Variants in SEMA6A observed in about 807,000 individuals in gnomAD.
The protein encoded by SEMA6A is semaphorin-6A.
A neutral mutation model predicts 96.8 loss-of-function variants in SEMA6A; 25 were observed. That is an observed-to-expected ratio of 0.26 (90% CI 0.19 to 0.36). The LOEUF (loss-of-function observed/expected upper bound fraction) is 0.36. Ranked by LOEUF, SEMA6A falls within the 10% of genes least tolerant of loss-of-function variation. The pLI, the probability that SEMA6A is intolerant of heterozygous loss-of-function variation, is 1.00. For synonymous variants in SEMA6A, 612 were observed against 518.0 expected (o/e 1.18, Z -2.46); for missense variants, 1,363 against 1,323.1 (o/e 1.03, Z -0.47).
At chr5:116,557,862 TA>T (rs1760668521) in intron 1 of SEMA6A, among the ~76,000 whole-genome samples, 1 of 152,206 alleles carries the variant, frequency 6.6e-6, no homozygotes, top group South Asian at 2.1e-4. Flanking sequence ...TGAGATTCAG[TA>T]ACACTAGAGG....
chr5:116,563,806 G>A (rs188882133), intron 1 of SEMA6A, among the ~76,000 whole-genome samples: 6 of 152,258 alleles, frequency 3.9e-5, no homozygotes, highest in African/African-American at 9.6e-5. Flanking sequence ...TAGCCTATGC[G>A]AATACTGTAA....
At chr5:116,519,657 CTG>C (rs1334690478) in intron 1 of SEMA6A, among the ~76,000 whole-genome samples, 5 of 140,038 alleles carry the variant, frequency 3.6e-5, no homozygotes, top group Admixed American at 2.1e-4. Context: ...TATAACGATG[CTG>C]TGTGTACACA....
Position 116,502,105 on chromosome 5 carries a change from T to G in SEMA6A, c.218+105A>C. On this transcript the variant is annotated intron_variant, in intron 3 of 18. Coordinates refer to ENST00000343348, the MANE Select transcript of SEMA6A (RefSeq NM_020796.5). ...AAGGAGGCTTTAAGTTAAATAACAC[T>G]CTATTTAGAAACCTCAAGATCTTAA... 3 of 806,930 alleles carry G rather than the reference T, an allele frequency of 3.7e-6. No individual in the cohort carries two copies. The South Asian group carries it at 5.1e-5, about 14-fold the overall frequency. The allele number at this position is 806,930 out of a possible 1,614,324, so 50.0% of individuals were successfully genotyped here.
intron 1 of SEMA6A, among the ~76,000 whole-genome samples, chr5:116,572,030 G>T (rs1761236181): frequency 6.6e-6 from 1 of 152,104 alleles, no homozygotes; most frequent in South Asian, 2.1e-4. Flanking sequence ...GTCCACCAGG[G>T]GAAGGACGAC....
intron 17 of SEMA6A, chr5:116,471,673 C>G (rs926295199): frequency 6.6e-6 from 1 of 152,208 alleles, no homozygotes; most frequent in African/African-American, 2.4e-5. Flanking sequence ...CTACTCCACA[C>G]TGCCTTACTT....
intron 11 of SEMA6A, among the ~76,000 whole-genome samples, chr5:116,480,872 A>G (rs1756725558): frequency 6.6e-6 from 1 of 152,162 alleles, no homozygotes. Flanking sequence ...TCTTTCCTGA[A>G]AGGTCATTTC....
At chr5:116,467,839 GCTGTAAGA>G (rs879412948) in intron 17 of SEMA6A, 92 bp from the exon 18 acceptor site, 83 of 1,363,288 alleles carry the variant, frequency 6.1e-5, no homozygotes, top group Non-Finnish European at 8.1e-5. Context: ...ACCCAAGCTG[GCTGTAAGA>G]CTGAGAGGAG....
At chr5:116,476,763 C>T (rs1460429980) in intron 15 of SEMA6A, among the ~76,000 whole-genome samples, 6 of 152,226 alleles carry the variant, frequency 3.9e-5, no homozygotes, top group Non-Finnish European at 7.3e-5. Flanking sequence ...CCTTTCTCCT[C>T]CACCTTGAGG....
chr5:116,502,361 A>G (rs1398514619), intron 2 of SEMA6A, 34 bp from the exon 3 acceptor site: 1 of 1,589,428 alleles, frequency 6.3e-7, no homozygotes. Flanking sequence ...AGAAAGGAAA[A>G]GCAAATCAAG....
At chr5:116,488,356 G>A (rs1359876646) in intron 8 of SEMA6A, among the ~76,000 whole-genome samples, 160 bp from the exon 9 acceptor site, 1 of 152,210 alleles carries the variant, frequency 6.6e-6, no homozygotes, top group East Asian at 1.9e-4. Context: ...GCAAGTGCTG[G>A]TGATTTCACA....
chr5:116,498,931 G>GC (rs1757742513), intron 3 of SEMA6A: 1 of 152,142 alleles, frequency 6.6e-6, no homozygotes, highest in African/African-American at 2.4e-5. Flanking sequence ...CTCTCAGATT[G>GC]CCCCCTTTTG....
rs187977515 is a variant in SEMA6A at position 116,502,376 on chromosome 5, G to A, written c.101-49C>T. On this transcript the variant is annotated intron_variant, in intron 2 of 18. Coordinates refer to ENST00000343348, the MANE Select transcript of SEMA6A (RefSeq NM_020796.5). ...AGAAAGGAAAAGCAAATCAAGCCAG[G>A]AATTGACAGGGTAGGGAGGGGAGGG... is the stretch of plus-strand genomic sequence containing the variant. 3.0e-4 allele frequency: 451 copies of A among 1,528,450 alleles called. 1 individual carries two copies. The African/African-American group carries it at 5.8e-3, about 20-fold the overall frequency. The allele number at this position is 1,528,450 out of a possible 1,614,324, so 94.7% of individuals were successfully genotyped here.
At chr5:116,482,119 A>G (rs959288600) in intron 11 of SEMA6A, among the ~76,000 whole-genome samples, 4 of 152,126 alleles carry the variant, frequency 2.6e-5, no homozygotes, top group Admixed American at 6.6e-5. Flanking sequence ...CACCACCCCC[A>G]ACCCCCGCTA....
chr5:116,540,890 G>T (rs1186629608), intron 1 of SEMA6A, among the ~76,000 whole-genome samples: 1 of 152,138 alleles, frequency 6.6e-6, no homozygotes, highest in African/African-American at 2.4e-5. Context: ...AATGCAGACA[G>T]GAAAAAGTCT....
intron 1 of SEMA6A, among the ~76,000 whole-genome samples, chr5:116,568,653 CA>C (rs1304261495): frequency 6.6e-6 from 1 of 152,204 alleles, no homozygotes; most frequent in Non-Finnish European, 1.5e-5. Context: ...AGACTCCCTC[CA>C]GCTACAACCA....
chr5:116,491,770 C>T lies in SEMA6A; in HGVS notation c.505G>A (p.Ala169Thr). 1.9e-6 allele frequency: 3 copies of T among 1,613,814 alleles called. No homozygotes were observed. Among genetic ancestry groups the T allele is most frequent in the Non-Finnish European group, 2.5e-6 (3 of 1,179,758 alleles). The change falls in exon 7 of 19, where the codon GCC becomes ACC. Residue 169 changes from alanine (A) to threonine (T), a missense_variant. Physicochemically the swap from Ala to Thr is moderately conservative, Grantham distance 58 (BLOSUM62 0). Coordinates refer to ENST00000343348, the MANE Select transcript of SEMA6A (RefSeq NM_020796.5). ...FSGMARCPYD[A>T]KHANVALFAD... ...AACAGTGCAACGTTGGCATGTTTGG[C>T]ATCATATGGGCATCTGGCCATTCCG...
At chr5:116,491,625 A>G (rs975553326) in intron 7 of SEMA6A, 115 bp downstream of exon 7, 35 of 770,260 alleles carry the variant, frequency 4.5e-5, no homozygotes, top group Non-Finnish European at 8.0e-5. Context: ...TAATTACAGT[A>G]TTCACCAGAG....
At chr5:116,486,693 T>A in intron 10 of SEMA6A, 56 bp downstream of exon 10, 1 of 1,444,084 alleles carries the variant, frequency 6.9e-7, no homozygotes, top group Non-Finnish European at 9.7e-7. Flanking sequence ...GAGAACCCCC[T>A]GGGAGAAGGA....
rs533521976 is a variant in SEMA6A, at chr5:116,486,640, A to G, written c.962+109T>C. ...GTTAAGTGCTTCTTAGCTACACACA[A>G]TGAATGCAATTTTCAGTCAGTTGCA... On this transcript the variant is annotated intron_variant, in intron 10 of 18. Coordinates refer to ENST00000343348, the MANE Select transcript of SEMA6A (RefSeq NM_020796.5). The G allele has an allele frequency of 8.1e-6, 7 of 859,676 alleles. No individual in the cohort carries two copies. In the East Asian group the frequency reaches 1.2e-4, roughly 15 times the overall value. The allele number at this position is 859,676 out of a possible 1,614,324, so 53.3% of individuals were successfully genotyped here.
Sources: allele counts gnomAD v4.1 joint callset (sites outside exome capture counted in the v4.1 genomes callset), GRCh38; gene constraint gnomAD v4.1.1; transcripts MANE v1.5; gene names NCBI Gene and HGNC (gene_info 2026-07-23, HGNC 2026-07-21).